Variants in PLK3 observed in about 807,000 individuals in gnomAD.
PLK3 encodes polo like kinase 3.
A neutral mutation model predicts 71.6 loss-of-function variants in PLK3; 41 were observed. The ratio of observed to expected loss-of-function variants is 0.57; its 90% CI spans 0.45 to 0.74. The LOEUF is 0.74. Ranked by LOEUF, PLK3 falls within the 30% of genes least tolerant of loss-of-function variation. PLK3 has a pLI of 0.00. For missense variants in PLK3, 791 were observed against 875.6 expected, an observed-to-expected ratio of 0.90 and a Z score of 1.22; for synonymous variants, 366 against 355.4, an observed-to-expected ratio of 1.03 and a Z score of -0.33.
In PLK3 at chr1:44,804,513, T is replaced by C; in HGVS notation, c.1505+12T>C. The C allele has an allele frequency of 6.2e-7, 1 of 1,613,776 alleles. No homozygotes were observed. The highest frequency in any genetic ancestry group is 8.5e-7 in the Non-Finnish European group (1 of 1,179,716). ...TCGGCCAACAGAAAGTAAGTGCTGT[T>C]ATGGGGTGCCTTGTATTCAGGCCAC... On this transcript the variant is annotated intron_variant, in intron 12 of 14. Transcript: ENST00000372201.
intron 11 of PLK3, 21 bp downstream of exon 11, chr1:44,804,267 A>G (rs749845251): frequency 6.2e-7 from 1 of 1,613,268 alleles, no homozygotes; most frequent in South Asian, 1.1e-5. Flanking sequence ...GGTCTGGTAC[A>G]TGCTGCTGTG....
At chr1:44,805,210 A>G in intron 13 of PLK3, 56 bp from the exon 14 acceptor site, 1 of 1,149,252 alleles carries the variant, frequency 8.7e-7, no homozygotes, top group South Asian at 1.2e-5. Context: ...GCATACACTA[A>G]TGGGGAGGGG....
chr1:44,801,160 A>T lies in PLK3; in HGVS notation c.435+8A>T. 2.4e-6 allele frequency: 3 copies of T among 1,255,890 alleles called. No homozygotes were observed. Among genetic ancestry groups the T allele is most frequent in the Non-Finnish European group, 3.5e-6 (3 of 867,530 alleles). 77.8% of individuals were successfully genotyped at this position (1,255,890 alleles called of 1,614,324 possible). A position where few individuals can be genotyped will look rare whatever the true frequency, so the allele number is the denominator to read the frequency against. The stretch of plus-strand genomic sequence containing the variant: ...GAGCTCTGCAGCCGAAAGGTGAAAG[A>T]TGGTGATTCCCGCAGGGATGAGAGT... On this transcript the variant is annotated splice_region_variant and intron_variant, in intron 3 of 14. Transcript: ENST00000372201.
In PLK3 at chr1:44,800,874, C is replaced by CA. The variant is rs1381142376; in HGVS notation, c.246dup (p.Glu83ArgfsTer28). On this transcript the variant is annotated frameshift_variant, in exon 2 of 15. Coordinates refer to ENST00000372201, the MANE Select transcript of PLK3 (RefSeq NM_004073.4). LOFTEE classifies it high-confidence loss of function. This position sits in a 1 kb window ranked among gnomAD's most constrained non-coding sequence, Gnocchi z 6.5. ...GCCCGCTGCTACGAGGCCACTGACA[C>CA]AGAGACTGGCAGCGCCTACGCTGTC... 6.2e-7 allele frequency: 1 copy of CA among 1,611,686 alleles called. No individual in the cohort carries two copies. The highest frequency in any genetic ancestry group is 8.5e-7 in the Non-Finnish European group (1 of 1,179,836).
At chr1:44,804,131 A>G in intron 10 of PLK3, 32 bp from the exon 11 acceptor site, 2 of 1,600,832 alleles carry the variant, frequency 1.2e-6, no homozygotes, top group Admixed American at 1.7e-5. Context: ...TGGGGTGCTA[A>G]TTCCTAAATC....
At chr1:44,804,077 G>C in intron 10 of PLK3, 53 bp downstream of exon 10, 1 of 1,543,004 alleles carries the variant, frequency 6.5e-7, no homozygotes, top group Non-Finnish European at 8.9e-7. Context: ...GCTGAGATCA[G>C]GGGCGAGAGG....
Position 44,805,546 on chromosome 1 carries a change from G to GCTTGT in PLK3, c.1809_1810insCTTGT (p.Thr604LeufsTer107). On this transcript the variant is annotated frameshift_variant, in exon 15 of 15. Coordinates refer to ENST00000372201, the MANE Select transcript of PLK3 (RefSeq NM_004073.4). LOFTEE classifies it high-confidence loss of function. ...TCAGTGGCTGGGAGCCCCTCCTTGT[G>GCTTGT]ACTTTTGTGGCCCGAAATCGTAGTG... The GCTTGT allele has an allele frequency of 6.2e-7, 1 of 1,614,216 alleles. No individual in the cohort carries two copies. The highest frequency in any genetic ancestry group is 8.5e-7 in the Non-Finnish European group (1 of 1,180,026).
rs1652002329 is a variant in PLK3, at chr1:44,805,586, G to A, written c.1849G>A (p.Ala617Thr). Reference protein sequence around the residue: ...ARNRSACTYLASHLRQLGCSP... With the variant: ...ARNRSACTYLTSHLRQLGCSP... Reference sequence around the variant, plus strand: ...AAATCGTAGTGCTTGTACTTACCTCGCTTCCCACCTTCGGCAGCTGGGCTG... The same window carrying A: ...AAATCGTAGTGCTTGTACTTACCTCACTTCCCACCTTCGGCAGCTGGGCTG... The change falls in exon 15 of 15, where the codon GCT (alanine) becomes ACT (threonine). Residue 617 changes from alanine to threonine, a missense_variant. Coordinates refer to ENST00000372201, the MANE Select transcript of PLK3 (RefSeq NM_004073.4). 2 of 1,614,170 alleles carry A rather than the reference G, an allele frequency of 1.2e-6. No homozygotes were observed. The highest frequency in any genetic ancestry group is 1.7e-6 in the Non-Finnish European group (2 of 1,179,998).
chr1:44,805,000 G>T (rs1651975191), intron 13 of PLK3: 1 of 584,178 alleles, frequency 1.7e-6, no homozygotes, highest in Non-Finnish European at 3.0e-6. Context: ...AGCTACTCGG[G>T]AGGCTGAGGC....
At position 44,803,745 on chromosome 1, in the gene PLK3, G is replaced by A; in HGVS notation, c.1164+54G>A. 2.1e-6 allele frequency: 3 copies of A among 1,396,900 alleles called. No individual in the cohort carries two copies. Among genetic ancestry groups the A allele is most frequent in the South Asian group, 2.4e-5 (2 of 83,202 alleles). The allele number at this position is 1,396,900 out of a possible 1,614,324, so 86.5% of individuals were successfully genotyped here. A position where few individuals can be genotyped will look rare whatever the true frequency, so the allele number is the denominator to read the frequency against. ...CTGACTCACCCCCACCCTAGCAGCT[G>A]AGGGAAGCCGGGGATAAAAGAGGCT... On this transcript the variant is annotated intron_variant, in intron 9 of 14. Transcript: ENST00000372201. This position sits in a 1 kb window ranked among gnomAD's most constrained non-coding sequence, Gnocchi z 4.3.
At position 44,800,895 on chromosome 1, in the gene PLK3, C is replaced by T; in HGVS notation, c.266C>T (p.Ala89Val). The change falls in exon 2 of 15, where the codon GCT (alanine) becomes GTT (valine). Residue 89 changes from alanine to valine, a missense_variant. Transcript: ENST00000372201. The surrounding 1 kb of genome is among the most constrained non-coding windows in gnomAD (Gnocchi z 6.5). ...GACACAGAGACTGGCAGCGCCTACG[C>T]TGTCAAAGTCATCCCGCAGAGCCGC... ...ATDTETGSAY[A>V]VKVIPQSRVA... is the part of the protein sequence containing the mutation. The T allele has an allele frequency of 6.2e-7, 1 of 1,612,276 alleles. No individual in the cohort carries two copies. Among genetic ancestry groups the T allele is most frequent in the Non-Finnish European group, 8.5e-7 (1 of 1,179,898 alleles).
At chr1:44,804,112 C>A in intron 10 of PLK3, 51 bp from the exon 11 acceptor site, 1 of 1,563,100 alleles carries the variant, frequency 6.4e-7, no homozygotes, top group Non-Finnish European at 8.8e-7. Flanking sequence ...AGGGGCCTGG[C>A]CTGGGTCCTG....
chr1:44,802,253 A>ATG (rs1651857763), intron 5 of PLK3, among the ~76,000 whole-genome samples: 1 of 151,752 alleles, frequency 6.6e-6, no homozygotes, highest in African/African-American at 2.4e-5. Context: ...GGCAGCGTGT[A>ATG]TGTGTGTGTG....
At position 44,801,102 on chromosome 1, in the gene PLK3, T is replaced by TTTGAGGACGCTGACAACATCTACATTTTC; in HGVS notation, c.389_417dup (p.Glu140ArgfsTer70). The TTTGAGGACGCTGACAACATCTACATTTTC allele has an allele frequency of 6.2e-7, 1 of 1,613,668 alleles. No individual in the cohort carries two copies. Among genetic ancestry groups the TTTGAGGACGCTGACAACATCTACATTTTC allele is most frequent in the Non-Finnish European group, 8.5e-7 (1 of 1,179,906 alleles). On this transcript the variant is annotated frameshift_variant, in exon 3 of 15. Transcript: ENST00000372201. LOFTEE classifies it high-confidence loss of function. ...CCACATCGTGCGTTTTTCGCACCACTTTGAGGACGCTGACAACATCTACAT... is the reference window on the plus strand; with the variant it reads ...CCACATCGTGCGTTTTTCGCACCACTTTGAGGACGCTGACAACATCTACATTTTCTTGAGGACGCTGACAACATCTACAT...
intron 4 of PLK3, 24 bp downstream of exon 4, chr1:44,801,775 T>A: frequency 2.2e-6 from 1 of 448,900 alleles, no homozygotes; most frequent in Non-Finnish European, 3.9e-6. Flanking sequence ...GCCTGGAGGA[T>A]GGGAGGTTGG....
chr1:44,801,201 GTCTT>G, intron 3 of PLK3, 49 bp downstream of exon 3: 1 of 563,854 alleles, frequency 1.8e-6, no homozygotes, highest in Admixed American at 3.2e-5. Flanking sequence ...AGAGAAGACA[GTCTT>G]TTTTTTTTTT....
At chr1:44,804,551 G>C (rs766778628) in intron 12 of PLK3, 50 bp downstream of exon 12, 1 of 1,607,460 alleles carries the variant, frequency 6.2e-7, no homozygotes, top group South Asian at 1.1e-5. Context: ...ATCCAGCAGG[G>C]CCGCACCCTC....
In PLK3 at chr1:44,805,911, T is replaced by C. The variant is rs1156704254; in HGVS notation, c.*233T>C. The stretch of plus-strand genomic sequence containing the variant: ...GGGGGCGTTATTTATGGACCACTTT[T>C]ATTTATTGTCAGACACTTATTTATT... On this transcript the variant is annotated 3_prime_UTR_variant, in exon 15 of 15. Coordinates refer to ENST00000372201, the MANE Select transcript of PLK3 (RefSeq NM_004073.4). 2 of 1,467,752 alleles carry C rather than the reference T, an allele frequency of 1.4e-6. No individual in the cohort carries two copies. Among genetic ancestry groups the C allele is most frequent in the Non-Finnish European group, 1.8e-6 (2 of 1,107,150 alleles). The allele number at this position is 1,467,752 out of a possible 1,614,324, so 90.9% of individuals were successfully genotyped here. A position where few individuals can be genotyped will look rare whatever the true frequency, so the allele number is the denominator to read the frequency against.
At position 44,800,642 on chromosome 1, in the gene PLK3, G is replaced by T. The variant is rs763106153; in HGVS notation, c.179G>T (p.Arg60Leu). 25 of 1,545,302 alleles carry T rather than the reference G, an allele frequency of 1.6e-5. No individual in the cohort carries two copies. The highest frequency in any genetic ancestry group is 2.2e-4 in the Middle Eastern group (1 of 4,472). The change falls in exon 1 of 15, where the codon CGC becomes CTC. Residue 60 changes from arginine (R) to leucine (L), a missense_variant. Arg to Leu is a moderately radical substitution (Grantham distance 102). Transcript: ENST00000372201. The surrounding 1 kb of genome is among the most constrained non-coding windows in gnomAD (Gnocchi z 6.5). ...CTCATCACGGACCCGCGCAGCGGCC[G>T]CACCTACCTCAAAGGCCGCTTGTTG... ...GRLITDPRSG[R>L]TYLKGRLLGK...
Sources: gnomAD v4.1 joint callset for allele counts (sites outside exome capture counted in the v4.1 genomes callset) on GRCh38, gnomAD v4.1.1 for gene constraint, Gnocchi (gnomAD v3.1) non-coding constraint, MANE v1.5 for transcripts, NCBI Gene and HGNC (gene_info 2026-07-23, HGNC 2026-07-21) for gene names.